The following SNTB1 variants were observed in gnomAD, a reference collection of about 807,000 sequenced individuals.
The protein encoded by SNTB1 is beta-1-syntrophin.
A neutral mutation model predicts 48.9 loss-of-function variants in SNTB1; 36 were observed. The ratio of observed to expected loss-of-function variants is 0.74; its 90% CI spans 0.56 to 0.97. SNTB1 has a LOEUF of 0.97. Ranked by LOEUF, SNTB1 falls within the 50% of genes least tolerant of loss-of-function variation. SNTB1 has a pLI of 0.00. For synonymous variants in SNTB1, 299 were observed against 294.6 expected, an observed-to-expected ratio of 1.01 and a Z score of -0.15; for missense variants, 786 against 703.4, an observed-to-expected ratio of 1.12 and a Z score of -1.33.
intron 1 of SNTB1, among the ~76,000 whole-genome samples, chr8:120,766,232 C>G (rs1176768511): frequency 6.6e-6 from 1 of 152,102 alleles, no homozygotes; most frequent in Admixed American, 6.5e-5. Context: ...ACTTAATCCT[C>G]ACAATGAGGT....
intron 2 of SNTB1, among the ~76,000 whole-genome samples, chr8:120,646,037 T>C (rs1161162759): frequency 6.7e-6 from 1 of 150,000 alleles, no homozygotes; most frequent in Non-Finnish European, 1.5e-5. Flanking sequence ...TTTGCTGAAG[T>C]TGCTTATCAG....
rs191571538 is a variant in SNTB1, at chr8:120,701,894, C to T, written c.572-7986G>A. On this transcript the variant is annotated intron_variant, in intron 1 of 6. Coordinates refer to ENST00000517992, the MANE Select transcript of SNTB1 (RefSeq NM_021021.4). ...GGTATGAATTTGTTAAGTAATCTTC[C>T]GCCTCCAAAGAAAAGATTATCTCAA... Among the ~76,000 whole-genome samples the T allele has an allele frequency of 9.9e-5, 15 of 152,192 alleles. No individual in the cohort carries two copies. The East Asian group carries it at 2.1e-3, about 22-fold the overall frequency.
intron 3 of SNTB1, among the ~76,000 whole-genome samples, chr8:120,599,566 C>T (rs535521751): frequency 6.6e-6 from 1 of 152,170 alleles, no homozygotes; most frequent in Admixed American, 6.5e-5. Context: ...AGTCAGTTCA[C>T]CAAATATTCA....
intron 3 of SNTB1, among the ~76,000 whole-genome samples, chr8:120,587,844 T>C (rs1256355386): frequency 6.6e-6 from 1 of 152,106 alleles, no homozygotes; most frequent in Non-Finnish European, 1.5e-5. Flanking sequence ...CTCCTCTCGA[T>C]GTGGTGGGGG....
At chr8:120,616,757 A>G (rs1816722098) in intron 3 of SNTB1, among the ~76,000 whole-genome samples, 1 of 152,254 alleles carries the variant, frequency 6.6e-6, no homozygotes, top group African/African-American at 2.4e-5. Flanking sequence ...TTTCAACACC[A>G]AGGATCAGCT....
At chr8:120,617,200 G>C (rs754010520) in intron 3 of SNTB1, among the ~76,000 whole-genome samples, 7 of 152,224 alleles carry the variant, frequency 4.6e-5, no homozygotes, top group Non-Finnish European at 8.8e-5. Context: ...AAAGCCAAAA[G>C]ATTGGACACC....
At chr8:120,689,597 C>T (rs1329958837) in intron 2 of SNTB1, among the ~76,000 whole-genome samples, 1 of 152,164 alleles carries the variant, frequency 6.6e-6, no homozygotes, top group Non-Finnish European at 1.5e-5. Flanking sequence ...GCTGACTGCA[C>T]ACTCCACACT....
intron 4 of SNTB1, among the ~76,000 whole-genome samples, chr8:120,568,740 C>T (rs945226753): frequency 1.3e-5 from 2 of 152,204 alleles, no homozygotes; most frequent in Non-Finnish European, 2.9e-5. Context: ...CCTAAGATCC[C>T]GGACATACTC....
chr8:120,762,503 G>A (rs1819438805), intron 1 of SNTB1, among the ~76,000 whole-genome samples: 1 of 152,162 alleles, frequency 6.6e-6, no homozygotes, highest in Non-Finnish European at 1.5e-5. Flanking sequence ...GATGAAAGAA[G>A]GGGATTGTTT....
intron 1 of SNTB1, among the ~76,000 whole-genome samples, chr8:120,744,111 C>A (rs1045830886): frequency 3.7e-5 from 5 of 133,998 alleles, no homozygotes; most frequent in African/African-American, 8.0e-5. Context: ...GCCTGGGTGA[C>A]CCTGTCTCAA....
At chr8:120,566,971 T>C (rs1466361202) in intron 4 of SNTB1, among the ~76,000 whole-genome samples, 2 of 152,278 alleles carry the variant, frequency 1.3e-5, no homozygotes, top group Non-Finnish European at 1.5e-5. Context: ...CTAAGAGCCA[T>C]GGAAACTCTA....
rs1815842919 is a variant in SNTB1, at chr8:120,571,434, A to AGTCTTTGT, written c.1136+3644_1136+3651dup. ...CTCATGGACCCCAAGGCACAGCCTGAGTCTTTGTGTGCAGTTAAGGATGTT... is the reference window on the plus strand; with the variant it reads ...CTCATGGACCCCAAGGCACAGCCTGAGTCTTTGTGTCTTTGTGTGCAGTTAAGGATGTT... On this transcript the variant is annotated intron_variant, in intron 4 of 6. Transcript: ENST00000517992. The AGTCTTTGT allele has an allele frequency of 9.3e-5, 64 of 690,558 alleles. 1 individual carries two copies. The highest frequency in any genetic ancestry group is 9.2e-4 in the South Asian group (62 of 67,676). 42.8% of individuals were successfully genotyped at this position (690,558 alleles called of 1,614,324 possible).
intron 2 of SNTB1, among the ~76,000 whole-genome samples, chr8:120,646,879 C>T (rs1817306696): frequency 1.3e-5 from 2 of 151,848 alleles, no homozygotes; most frequent in Non-Finnish European, 2.9e-5. Flanking sequence ...CAACTTCTTC[C>T]TGGTTTAGTC....
intron 1 of SNTB1, among the ~76,000 whole-genome samples, chr8:120,721,671 T>G (rs1818660479): frequency 6.6e-6 from 1 of 152,136 alleles, no homozygotes; most frequent in Non-Finnish European, 1.5e-5. Flanking sequence ...ATAGGTTTCC[T>G]TAGGGAAAAA....
chr8:120,697,926 A>G (rs1490204836), intron 1 of SNTB1, among the ~76,000 whole-genome samples: 1 of 152,258 alleles, frequency 6.6e-6, no homozygotes, highest in East Asian at 1.9e-4. Flanking sequence ...GGAGCTGTAG[A>G]TAAGAAATTT....
chr8:120,634,579 G>T (rs1233341982), intron 2 of SNTB1, among the ~76,000 whole-genome samples: 2 of 152,098 alleles, frequency 1.3e-5, no homozygotes, highest in African/African-American at 2.4e-5. Flanking sequence ...TCTTATGGGG[G>T]GCACTCACTG....
intron 3 of SNTB1, among the ~76,000 whole-genome samples, chr8:120,585,224 T>G (rs1816120064): frequency 6.6e-6 from 1 of 152,230 alleles, no homozygotes; most frequent in African/African-American, 2.4e-5. Context: ...AGAGGTTATA[T>G]CCTGGCTAAG....
intron 3 of SNTB1, among the ~76,000 whole-genome samples, chr8:120,583,056 G>A (rs1816075207): frequency 1.3e-5 from 2 of 152,106 alleles, no homozygotes; most frequent in Non-Finnish European, 2.9e-5. Flanking sequence ...ATTGCTTAAG[G>A]CCAGGTGTTT....
chr8:120,712,535 C>T (rs190162594), intron 1 of SNTB1, among the ~76,000 whole-genome samples: 4 of 152,016 alleles, frequency 2.6e-5, no homozygotes, highest in Admixed American at 6.5e-5. Flanking sequence ...GATAGAAGCA[C>T]TATTAAGTCC....
Sources: gnomAD v4.1 joint callset for allele counts (sites outside exome capture counted in the v4.1 genomes callset) on GRCh38, gnomAD v4.1.1 for gene constraint, MANE v1.5 for transcripts, NCBI Gene and HGNC (gene_info 2026-07-23, HGNC 2026-07-21) for gene names.